The following CHRNA7 variants were observed in gnomAD, a reference collection of about 807,000 sequenced individuals.
The protein encoded by CHRNA7 is neuronal acetylcholine receptor subunit alpha-7.
In CHRNA7, 17 loss-of-function variants were observed where a neutral mutation model predicts 48.0. That is an observed-to-expected ratio of 0.35 (90% CI 0.24 to 0.53). CHRNA7 has a LOEUF of 0.53. Among genes scored for constraint, CHRNA7 ranks in the 20% least tolerant of loss-of-function variants. CHRNA7 has a pLI of 0.92. For missense variants in CHRNA7, 155 were observed against 577.7 expected (o/e 0.27, Z 7.50); for synonymous variants, 75 against 242.3 (o/e 0.31, Z 6.41).
chr15:32,032,086 TTGA>T (rs1239612722), intron 2 of CHRNA7, among the ~76,000 whole-genome samples: 5 of 152,254 alleles, frequency 3.3e-5, no homozygotes, highest in African/African-American at 1.2e-4. Flanking sequence ...CACTATCATG[TTGA>T]TGAATGGTAT....
chr15:32,066,321 G>A (rs545934021), intron 2 of CHRNA7, among the ~76,000 whole-genome samples: 14 of 148,558 alleles, frequency 9.4e-5, no homozygotes, highest in South Asian at 4.2e-4. Context: ...TCACTCTGTC[G>A]CCCAGGCTGG....
At chr15:32,067,340 A>C (rs539299402) in intron 2 of CHRNA7, among the ~76,000 whole-genome samples, 2 of 152,346 alleles carry the variant, frequency 1.3e-5, no homozygotes, top group Admixed American at 1.3e-4. Flanking sequence ...CTCAACAGAA[A>C]CCATGGAAGA....
At position 32,108,627 on chromosome 15, in the gene CHRNA7, G is replaced by A. The variant is rs115920643; in HGVS notation, c.241-3163G>A. On this transcript the variant is annotated intron_variant, in intron 3 of 9. Transcript: ENST00000306901. ...TCAGGATTGTGGACCTGGGCTCCAG[G>A]GCACACAGCATGAGGTTCCCACTGC... 9.2e-3 allele frequency among the ~76,000 whole-genome samples: 1,397 copies of A among 152,232 alleles called. 15 individuals are homozygous for A. The highest frequency in any genetic ancestry group is 0.027 in the Middle Eastern group (8 of 294).
At chr15:32,116,433 G>T (rs547172079) in intron 4 of CHRNA7, among the ~76,000 whole-genome samples, 10 of 152,212 alleles carry the variant, frequency 6.6e-5, no homozygotes, top group African/African-American at 2.4e-4. Context: ...TGGCCAGGTC[G>T]CTCTGAGGAG....
At chr15:32,067,936 T>A (rs891214869) in intron 2 of CHRNA7, among the ~76,000 whole-genome samples, 1 of 152,152 alleles carries the variant, frequency 6.6e-6, no homozygotes. Context: ...GAACATCTGC[T>A]TAACAAATTA....
At chr15:32,129,579 C>G (rs76658519) in intron 4 of CHRNA7, among the ~76,000 whole-genome samples, 4,875 of 151,932 alleles carry the variant, frequency 0.032, 260 homozygotes, top group African/African-American at 0.11. Flanking sequence ...CTTTCCTCAT[C>G]ATTCTTTTGA....
In CHRNA7 at chr15:32,033,628, A is replaced by C. The variant is rs142255891; in HGVS notation, c.195+2591A>C. ...CATAACAAAATATGCAAACATTTGT[A>C]TTCCAGCCTTACTTGGCTCTGCCTG... On this transcript the variant is annotated intron_variant, in intron 2 of 9. Coordinates refer to ENST00000306901, the MANE Select transcript of CHRNA7 (RefSeq NM_000746.6). Among the ~76,000 whole-genome samples, 209 of 152,364 alleles carry C rather than the reference A, an allele frequency of 1.4e-3. No individual in the cohort carries two copies. The Middle Eastern group carries it at 0.017, about 12-fold the overall frequency.
At chr15:32,121,086 G>A (rs2050960664) in intron 4 of CHRNA7, among the ~76,000 whole-genome samples, 1 of 152,204 alleles carries the variant, frequency 6.6e-6, no homozygotes, top group Non-Finnish European at 1.5e-5. Flanking sequence ...GCATCAGAAG[G>A]CAGCTGGGCC....
At chr15:32,041,273 A>C (rs2049443717) in intron 2 of CHRNA7, among the ~76,000 whole-genome samples, 1 of 152,018 alleles carries the variant, frequency 6.6e-6, no homozygotes, top group Admixed American at 6.5e-5. Flanking sequence ...ACAGTCCCCA[A>C]CCTTTTTGAC....
chr15:32,056,155 T>C (rs1018864498), intron 2 of CHRNA7, among the ~76,000 whole-genome samples: 6 of 152,228 alleles, frequency 3.9e-5, no homozygotes, highest in African/African-American at 1.4e-4. Flanking sequence ...AAATTCTTAA[T>C]TTTAGTGTGG....
At position 32,031,035 on chromosome 15, in the gene CHRNA7, G is replaced by A. The variant is rs202232041; in HGVS notation, c.193G>A (p.Val65Met). 1.9e-6 allele frequency: 3 copies of A among 1,614,162 alleles called. No homozygotes were observed. Among genetic ancestry groups the A allele is most frequent in the Admixed American group, 3.3e-5 (2 of 60,026 alleles). Residue 65 changes from valine to methionine, a missense_variant and splice_region_variant, in exon 2 of 10, where the codon GTG becomes ATG. By Grantham distance (21) the Val-to-Met change is conservative. Coordinates refer to ENST00000306901, the MANE Select transcript of CHRNA7 (RefSeq NM_000746.6). Reference protein sequence around the residue: ...FSLSLLQIMDVDEKNQVLTTN... With the variant: ...FSLSLLQIMDMDEKNQVLTTN... ...CCTGAGCCTCCTGCAGATCATGGACGTGGTGAGTCCCGCCTGGCTACAGGG... is the reference window on the plus strand; with the variant it reads ...CCTGAGCCTCCTGCAGATCATGGACATGGTGAGTCCCGCCTGGCTACAGGG...
intron 4 of CHRNA7, among the ~76,000 whole-genome samples, chr15:32,139,649 C>T (rs747979148): frequency 1.7e-4 from 25 of 151,406 alleles, no homozygotes; most frequent in Non-Finnish European, 7.4e-5. Context: ...TCTTTGCCAT[C>T]TCTATATTGT....
chr15:32,098,422 T>A (rs1403099651), intron 2 of CHRNA7, among the ~76,000 whole-genome samples: 1 of 152,076 alleles, frequency 6.6e-6, no homozygotes, highest in East Asian at 1.9e-4. Context: ...TGCAGACCTA[T>A]TGCTGCCAGA....
chr15:32,057,520 T>G (rs973438557), intron 2 of CHRNA7, among the ~76,000 whole-genome samples: 4 of 152,238 alleles, frequency 2.6e-5, no homozygotes, highest in African/African-American at 4.8e-5. Flanking sequence ...TAGCCATAGC[T>G]AATATATTCA....
Position 32,074,625 on chromosome 15 carries a change from A to G in CHRNA7, c.196-26678A>G, listed in dbSNP as rs1216406638. ...GTTTTTTCTGCGGCTCTTGATATGA[A>G]TCACATTATTAATATTATTATTATT... On this transcript the variant is annotated intron_variant, in intron 2 of 9. Coordinates refer to ENST00000306901, the MANE Select transcript of CHRNA7 (RefSeq NM_000746.6). Among the ~76,000 whole-genome samples the G allele has an allele frequency of 6.6e-5, 7 of 106,324 alleles. No homozygotes were observed. In the Admixed American group the frequency reaches 7.9e-4, roughly 12 times the overall value. The allele number at this position is 106,324 out of a possible 152,430, so 69.8% of individuals were successfully genotyped here.
chr15:32,132,858 C>A (rs530894314), intron 4 of CHRNA7, among the ~76,000 whole-genome samples: 25 of 152,204 alleles, frequency 1.6e-4, no homozygotes, highest in Non-Finnish European at 2.8e-4. Context: ...TGGCATTTTT[C>A]TGAAAGCATA....
chr15:32,084,876 A>G (rs2050270580), intron 2 of CHRNA7, among the ~76,000 whole-genome samples: 1 of 147,340 alleles, frequency 6.8e-6, no homozygotes. Flanking sequence ...CTTGTGGCCC[A>G]GGCTGGAGTG....
rs541416369 is a variant in CHRNA7 at position 32,098,274 on chromosome 15, C to T, written c.196-3029C>T. 3.1e-3 allele frequency among the ~76,000 whole-genome samples: 473 copies of T among 152,196 alleles called. 2 individuals carry two copies. The highest frequency in any genetic ancestry group is 0.011 in the African/African-American group (450 of 41,522). On this transcript the variant is annotated intron_variant, in intron 2 of 9. Coordinates refer to ENST00000306901, the MANE Select transcript of CHRNA7 (RefSeq NM_000746.6). ...TGCAGCAGGGTCGGGACGTGCTTGC[C>T]AAGGATCGAGGAAGGAAAAGGCTGT...
chr15:32,070,788 G>A (rs569605960), intron 2 of CHRNA7, among the ~76,000 whole-genome samples: 15 of 138,410 alleles, frequency 1.1e-4, no homozygotes, highest in African/African-American at 2.9e-4. Flanking sequence ...GCGGATTCAC[G>A]CCATTCTCCT....
Sources: allele counts gnomAD v4.1 joint callset (sites outside exome capture counted in the v4.1 genomes callset), GRCh38; gene constraint gnomAD v4.1.1; transcripts MANE v1.5; gene names NCBI Gene and HGNC (gene_info 2026-07-23, HGNC 2026-07-21).